The following SNX30 variants were observed in gnomAD, a reference collection of about 807,000 sequenced individuals.
The protein encoded by SNX30 is sorting nexin-30.
A neutral mutation model predicts 46.4 loss-of-function variants in SNX30; 24 were observed. That is an observed-to-expected ratio of 0.52 (90% CI 0.37 to 0.73). SNX30 has a LOEUF of 0.73. Among genes scored for constraint, SNX30 ranks in the 30% least tolerant of loss-of-function variants. The probability of loss-of-function intolerance (pLI) is 0.00; values close to 1 mark genes in which losing one functional copy is unlikely to be tolerated. For synonymous variants in SNX30, 189 were observed against 211.5 expected (o/e 0.89, Z 0.92); for missense variants, 533 against 555.7 (o/e 0.96, Z 0.41).
intron 1 of SNX30, among the ~76,000 whole-genome samples, chr9:112,801,293 A>T (rs1840168013): frequency 5.6e-5 from 1 of 17,912 alleles, no homozygotes; most frequent in Non-Finnish European, 1.2e-4. Context: ...ATTTCCCTCT[A>T]CACACTGCTT....
chr9:112,821,951 T>A (rs928582177), intron 3 of SNX30, among the ~76,000 whole-genome samples: 3 of 151,730 alleles, frequency 2.0e-5, no homozygotes, highest in Admixed American at 2.0e-4. Flanking sequence ...TGGTTTTTAA[T>A]TTTTTTTTGT....
chr9:112,775,566 G>GTGTGTGTA, intron 1 of SNX30, among the ~76,000 whole-genome samples: 1 of 150,856 alleles, frequency 6.6e-6, no homozygotes, highest in East Asian at 1.9e-4. Flanking sequence ...GTGTGTGTGT[G>GTGTGTGTA]TGTGTGTGTG....
At chr9:112,797,310 C>T (rs143602196) in intron 1 of SNX30, among the ~76,000 whole-genome samples, 1 of 152,206 alleles carries the variant, frequency 6.6e-6, no homozygotes, top group Admixed American at 6.5e-5. Flanking sequence ...TGACTACCCT[C>T]CTACCCACTA....
chr9:112,819,057 A>C (rs1274848965), intron 3 of SNX30, among the ~76,000 whole-genome samples: 1 of 152,208 alleles, frequency 6.6e-6, no homozygotes, highest in African/African-American at 2.4e-5. Flanking sequence ...TTAGTGAATA[A>C]TTTTTAAAAA....
chr9:112,804,079 GC>G (rs1265642006), intron 1 of SNX30, among the ~76,000 whole-genome samples: 14 of 150,166 alleles, frequency 9.3e-5, no homozygotes, highest in Non-Finnish European at 1.6e-4. Context: ...AGATGGAAAT[GC>G]AGAAATCACC....
rs540931916 is a variant in SNX30 at position 112,797,134 on chromosome 9, A to G, written c.157-7642A>G. On this transcript the variant is annotated intron_variant, in intron 1 of 8. Coordinates refer to ENST00000374232, the MANE Select transcript of SNX30 (RefSeq NM_001012994.2). ...AGGCAGGGCTCTGTTCTGTTACCAA[A>G]CCTCCAAACCAAACAAGATAACTAA... is the stretch of plus-strand genomic sequence containing the variant. Among the ~76,000 whole-genome samples the G allele has an allele frequency of 3.9e-5, 6 of 152,052 alleles. No homozygotes were observed. In the South Asian group the frequency reaches 1.3e-3, roughly 32 times the overall value.
rs1156932322 is a variant in SNX30 at position 112,788,942 on chromosome 9, T to C, written c.157-15834T>C. On this transcript the variant is annotated intron_variant, in intron 1 of 8. Coordinates refer to ENST00000374232, the MANE Select transcript of SNX30 (RefSeq NM_001012994.2). ...TCCCCAGTAGATGGGACCACAGGCA[T>C]GCGCCACCACGCCCAGCTAATTTTT... is the stretch of plus-strand genomic sequence containing the variant. 5.3e-5 allele frequency among the ~76,000 whole-genome samples: 8 copies of C among 152,268 alleles called. No individual in the cohort carries two copies. In the South Asian group the frequency reaches 8.3e-4, roughly 16 times the overall value.
At chr9:112,809,773 G>C (rs1840289721) in intron 2 of SNX30, among the ~76,000 whole-genome samples, 1 of 152,144 alleles carries the variant, frequency 6.6e-6, no homozygotes, top group Non-Finnish European at 1.5e-5. Context: ...GAGTGAGCGA[G>C]GGGTAAGAGA....
chr9:112,790,313 C>T (rs1358346408), intron 1 of SNX30, among the ~76,000 whole-genome samples: 2 of 152,166 alleles, frequency 1.3e-5, no homozygotes, highest in East Asian at 3.9e-4. Context: ...ATTATATGTA[C>T]TAGTCAGCTT....
At chr9:112,830,947 C>G in intron 4 of SNX30, 64 bp downstream of exon 4, 1 of 1,506,940 alleles carries the variant, frequency 6.6e-7, no homozygotes, top group South Asian at 1.3e-5. Context: ...TTCCTAAAAG[C>G]TGTTTTGAGC....
At chr9:112,817,679 AT>A (rs1381167474) in intron 2 of SNX30, 25 bp from the exon 3 acceptor site, 11 of 1,390,980 alleles carry the variant, frequency 7.9e-6, no homozygotes, top group Admixed American at 3.4e-5. Context: ...CCTTATGCTT[AT>A]TTTTTTCCAT....
At chr9:112,854,922 G>A (rs1334349309) in intron 7 of SNX30, among the ~76,000 whole-genome samples, 4 of 152,234 alleles carry the variant, frequency 2.6e-5, no homozygotes, top group Admixed American at 6.5e-5. Flanking sequence ...CAGATGCTCC[G>A]TTGGAGGAGT....
chr9:112,758,392 C>T (rs1035347549), intron 1 of SNX30, among the ~76,000 whole-genome samples: 2 of 152,074 alleles, frequency 1.3e-5, no homozygotes, highest in African/African-American at 2.4e-5. Context: ...TGCAGTGGCA[C>T]GATCTTGGCT....
In SNX30 at chr9:112,836,326, C is replaced by T. The variant is rs753703103; in HGVS notation, c.731C>T (p.Ala244Val). ...AGGACTCGGCCGCTTGAGTTTGCTGCCATAGGTGACTACTTAGATACATTT... is the reference window on the plus strand; with the variant it reads ...AGGACTCGGCCGCTTGAGTTTGCTGTCATAGGTGACTACTTAGATACATTT... ...KLRTRPLEFA[A>V]IGDYLDTFAL... The change falls in exon 5 of 9, where the codon GCC (alanine) becomes GTC (valine). Residue 244 changes from alanine (A) to valine (V), a missense_variant. Physicochemically the swap from Ala to Val is moderately conservative, Grantham distance 64. Around this residue, in one of 3 missense-constraint regions of SNX30, gnomAD observed 261 missense variants for 270.9 expected, o/e 0.96. Transcript: ENST00000374232. 1.2e-6 allele frequency: 2 copies of T among 1,613,458 alleles called. No individual in the cohort carries two copies. Among genetic ancestry groups the T allele is most frequent in the Non-Finnish European group, 1.7e-6 (2 of 1,179,388 alleles).
At chr9:112,839,526 A>G (rs1044798003) in intron 6 of SNX30, among the ~76,000 whole-genome samples, 1 of 152,226 alleles carries the variant, frequency 6.6e-6, no homozygotes, top group African/African-American at 2.4e-5. Flanking sequence ...ATCGGAGTAG[A>G]GTGCAGGAGG....
intron 1 of SNX30, among the ~76,000 whole-genome samples, chr9:112,791,045 TTTTA>T (rs1173991006): frequency 2.0e-5 from 3 of 152,224 alleles, no homozygotes; most frequent in African/African-American, 7.2e-5. Flanking sequence ...TTTTTTATTG[TTTTA>T]TTGTTATTGG....
At chr9:112,865,029 C>T (rs142486743) in intron 8 of SNX30, among the ~76,000 whole-genome samples, 1,628 of 151,154 alleles carry the variant, frequency 0.011, 35 homozygotes, top group African/African-American at 0.037. Context: ...ACCACCACCA[C>T]ACCCCACACA....
chr9:112,817,888 C>T, intron 3 of SNX30, 73 bp downstream of exon 3: 1 of 963,216 alleles, frequency 1.0e-6, no homozygotes, highest in South Asian at 1.3e-5. Flanking sequence ...TCACTCAACT[C>T]TCATCCCTTA....
At chr9:112,786,655 C>T (rs1839933145) in intron 1 of SNX30, among the ~76,000 whole-genome samples, 3 of 151,750 alleles carry the variant, frequency 2.0e-5, no homozygotes, top group African/African-American at 2.4e-5. Flanking sequence ...TTTTCTTTTA[C>T]GTCTGTCCTT....
Sources: allele counts gnomAD v4.1 joint callset (sites outside exome capture counted in the v4.1 genomes callset), GRCh38; gene constraint gnomAD v4.1.1; regional missense constraint gnomAD v4.1.1; transcripts MANE v1.5; gene names NCBI Gene and HGNC (gene_info 2026-07-23, HGNC 2026-07-21).